The following TSHR variants were observed in gnomAD, a reference collection of about 807,000 sequenced individuals.
TSHR encodes thyroid stimulating hormone receptor, also known as thyrotropin receptor.
In TSHR, 51 loss-of-function variants were observed where a neutral mutation model predicts 64.1. The observed-to-expected ratio is 0.80, with a 90% confidence interval of 0.64 to 1.01. The LOEUF (loss-of-function observed/expected upper bound fraction) is 1.01, where lower values mean the gene tolerates loss of function less well. TSHR is among the 50% of genes least tolerant of loss of function. The pLI is 0.00. For synonymous variants in TSHR, 361 were observed against 361.9 expected, an observed-to-expected ratio of 1.00 and a Z score of 0.03; for missense variants, 877 against 942.8, an observed-to-expected ratio of 0.93 and a Z score of 0.91.
intron 7 of TSHR, among the ~76,000 whole-genome samples, chr14:81,106,172 C>T (rs1166930387): frequency 1.3e-5 from 2 of 152,068 alleles, no homozygotes; most frequent in African/African-American, 4.8e-5. Context: ...TTAACAATGC[C>T]CTGAATACTG....
chr14:81,038,914 C>A (rs1410405432), intron 1 of TSHR, among the ~76,000 whole-genome samples: 1 of 151,490 alleles, frequency 6.6e-6, no homozygotes, highest in Non-Finnish European at 1.5e-5. Flanking sequence ...TTTCCGATCA[C>A]AGAAAACCAT....
chr14:80,967,836 A>G (rs989577304), intron 1 of TSHR, among the ~76,000 whole-genome samples: 2 of 152,156 alleles, frequency 1.3e-5, no homozygotes, highest in Admixed American at 1.3e-4. Flanking sequence ...GTTGGGGAGT[A>G]TGATCCCAGG....
At chr14:80,986,181 G>A (rs1198288107) in intron 1 of TSHR, among the ~76,000 whole-genome samples, 1 of 152,150 alleles carries the variant, frequency 6.6e-6, no homozygotes, top group East Asian at 1.9e-4. Context: ...GTCATAGTGG[G>A]AAGGTTTGGG....
rs1276033179 is a variant in TSHR at position 81,143,806 on chromosome 14, T to C, written c.1748T>C (p.Ile583Thr). Residue 583 changes from isoleucine (I) to threonine (T), a missense_variant, in exon 10 of 10, where the codon ATT (isoleucine) becomes ACT (threonine). Coordinates refer to ENST00000298171, the MANE Select transcript of TSHR (RefSeq NM_000369.5). ...DTETPLALAY[I>T]VFVLTLNIVA... Reference sequence around the variant, plus strand: ...GAGACCCCTCTTGCTCTGGCATATATTGTTTTTGTTCTGACGCTCAACATA... The same window carrying C: ...GAGACCCCTCTTGCTCTGGCATATACTGTTTTTGTTCTGACGCTCAACATA... 3 of 1,613,908 alleles carry C rather than the reference T, an allele frequency of 1.9e-6. No individual in the cohort carries two copies. The highest frequency in any genetic ancestry group is 1.6e-4 in the Middle Eastern group (1 of 6,084).
intron 1 of TSHR, among the ~76,000 whole-genome samples, chr14:81,056,980 A>G (rs1048930025): frequency 6.6e-6 from 1 of 152,238 alleles, no homozygotes; most frequent in Non-Finnish European, 1.5e-5. Context: ...TCTATATGCA[A>G]ATAGTCCCAA....
Position 81,116,065 on chromosome 14 carries a change from G to A in TSHR, c.692+7613G>A, listed in dbSNP as rs958283569. 1.0e-2 allele frequency among the ~76,000 whole-genome samples: 1,511 copies of A among 151,524 alleles called. 14 individuals are homozygous for A. The highest frequency in any genetic ancestry group is 0.02 in the African/African-American group (820 of 41,270). Reference sequence around the variant, plus strand: ...TGGAAAGGAACAACCGGTACCAGCCGCTGCAAAATCATGCCAAAATGTAAA... The same window carrying A: ...TGGAAAGGAACAACCGGTACCAGCCACTGCAAAATCATGCCAAAATGTAAA... On this transcript the variant is annotated intron_variant, in intron 8 of 9. Coordinates refer to ENST00000298171, the MANE Select transcript of TSHR (RefSeq NM_000369.5).
At chr14:81,017,330 G>A (rs946959696) in intron 1 of TSHR, among the ~76,000 whole-genome samples, 2 of 152,144 alleles carry the variant, frequency 1.3e-5, no homozygotes, top group African/African-American at 4.8e-5. Context: ...TGGTAAGTTT[G>A]CATGGTGGAA....
chr14:80,976,491 A>G (rs1887881454), intron 1 of TSHR, among the ~76,000 whole-genome samples: 1 of 152,120 alleles, frequency 6.6e-6, no homozygotes, highest in African/African-American at 2.4e-5. Context: ...TGCTGATATG[A>G]TCAAAGCCTT....
intron 1 of TSHR, among the ~76,000 whole-genome samples, chr14:80,959,017 T>G (rs1886869878): frequency 6.6e-6 from 1 of 152,248 alleles, no homozygotes; most frequent in Admixed American, 6.5e-5. Flanking sequence ...AACTTTATCT[T>G]CTACTCATAG....
At chr14:81,139,283 A>T (rs1297431684) in intron 8 of TSHR, among the ~76,000 whole-genome samples, 1 of 152,202 alleles carries the variant, frequency 6.6e-6, no homozygotes, top group African/African-American at 2.4e-5. Context: ...TCCCCACAGC[A>T]GCTGATAGCA....
At chr14:81,116,085 T>G (rs1330233753) in intron 8 of TSHR, among the ~76,000 whole-genome samples, 1 of 151,588 alleles carries the variant, frequency 6.6e-6, no homozygotes, top group African/African-American at 2.4e-5. Flanking sequence ...CATGCCAAAA[T>G]GTAAAGACCA....
Position 81,145,259 on chromosome 14 carries a change from G to A in TSHR, c.*906G>A. On this transcript the variant is annotated 3_prime_UTR_variant, in exon 10 of 10. Transcript: ENST00000298171. ...AGCTTCTTCCAATTTTAAAACTCTA[G>A]TACATCCCTTTCCCTCAAATATATA... 4.3e-6 allele frequency: 1 copy of A among 233,042 alleles called. No individual in the cohort carries two copies. The allele number at this position is 233,042 out of a possible 1,614,324, so 14.4% of individuals were successfully genotyped here.
At chr14:81,089,620 A>T (rs1379740018) in intron 4 of TSHR, among the ~76,000 whole-genome samples, 1 of 152,188 alleles carries the variant, frequency 6.6e-6, no homozygotes, top group Non-Finnish European at 1.5e-5. Context: ...TTGGGGGTTC[A>T]GGTAATTAGA....
Position 81,066,195 on chromosome 14 carries a change from G to T in TSHR, c.243-2059G>T, listed in dbSNP as rs1886598063. Among the ~76,000 whole-genome samples the T allele has an allele frequency of 2.0e-5, 3 of 152,200 alleles. No individual in the cohort carries two copies. In the South Asian group the frequency reaches 6.2e-4, roughly 32 times the overall value. ...TATGGGCCGAGTGACTATCCTTCTG[G>T]AACCTTGAGAAAGACTCATACTTCT... is the stretch of plus-strand genomic sequence containing the variant. On this transcript the variant is annotated intron_variant, in intron 2 of 9. Coordinates refer to ENST00000298171, the MANE Select transcript of TSHR (RefSeq NM_000369.5).
intron 1 of TSHR, among the ~76,000 whole-genome samples, chr14:81,010,783 T>G (rs1889861782): frequency 6.6e-6 from 1 of 152,182 alleles, no homozygotes; most frequent in African/African-American, 2.4e-5. Flanking sequence ...AATATGAAAT[T>G]TGCTATATTT....
chr14:81,041,094 A>G (rs1566776339), intron 1 of TSHR, among the ~76,000 whole-genome samples: 1 of 152,190 alleles, frequency 6.6e-6, no homozygotes, highest in Non-Finnish European at 1.5e-5. Context: ...CCATTGTGGA[A>G]GAAGGCGTGG....
At chr14:81,077,124 A>T (rs947359675) in intron 3 of TSHR, among the ~76,000 whole-genome samples, 1 of 152,152 alleles carries the variant, frequency 6.6e-6, no homozygotes, top group African/African-American at 2.4e-5. Context: ...CCACTTCTGC[A>T]TCTAAGTTAG....
intron 4 of TSHR, among the ~76,000 whole-genome samples, chr14:81,090,637 T>C (rs555171484): frequency 2.0e-5 from 3 of 152,330 alleles, no homozygotes; most frequent in African/African-American, 7.2e-5. Context: ...CATAATATCA[T>C]GTAGAGCTTG....
At chr14:81,079,577 C>T (rs2139942207) in intron 3 of TSHR, among the ~76,000 whole-genome samples, 1 of 152,302 alleles carries the variant, frequency 6.6e-6, no homozygotes, top group Admixed American at 6.5e-5. Flanking sequence ...GCTGGCCAGG[C>T]GTGGTGGCCC....
Sources: gnomAD v4.1 joint callset for allele counts (sites outside exome capture counted in the v4.1 genomes callset) on GRCh38, gnomAD v4.1.1 for gene constraint, MANE v1.5 for transcripts, NCBI Gene and HGNC (gene_info 2026-07-23, HGNC 2026-07-21) for gene names.